WWOX: variants seen among roughly 807,000 people sequenced by gnomAD.
WWOX encodes WW domain-containing oxidoreductase.
In WWOX, 69 loss-of-function variants were observed where a neutral mutation model predicts 46.2. The ratio of observed to expected loss-of-function variants is 1.49; its 90% CI spans 1.23 to 1.82. The LOEUF (loss-of-function observed/expected upper bound fraction) is 1.82, where lower values mean the gene tolerates loss of function less well. WWOX is among the 40% of genes most tolerant of loss of function. WWOX has a pLI of 0.00. For synonymous variants in WWOX, 359 were observed against 202.6 expected (o/e 1.77, Z -6.56); for missense variants, 919 against 542.6 (o/e 1.69, Z -6.89).
chr16:78,692,088 G>GT (rs1324249414), intron 8 of WWOX, among the ~76,000 whole-genome samples: 9 of 152,300 alleles, frequency 5.9e-5, no homozygotes, highest in Admixed American at 5.2e-4. Context: ...TGTAAGTCCA[G>GT]TTAAACCTCT....
At chr16:79,085,741 G>T (rs1350922341) in intron 8 of WWOX, among the ~76,000 whole-genome samples, 1 of 152,074 alleles carries the variant, frequency 6.6e-6, no homozygotes, top group Non-Finnish European at 1.5e-5. Flanking sequence ...GCATTCAGAA[G>T]TATTAGCAGA....
chr16:78,175,745 T>G (rs559373738), intron 5 of WWOX, among the ~76,000 whole-genome samples: 14 of 152,172 alleles, frequency 9.2e-5, no homozygotes, highest in Non-Finnish European at 1.8e-4. Flanking sequence ...ACCCACAAAA[T>G]ATGGTAAGAT....
At chr16:78,399,967 C>G (rs73571019) in intron 6 of WWOX, among the ~76,000 whole-genome samples, 1,977 of 152,264 alleles carry the variant, frequency 0.013, 41 homozygotes, top group African/African-American at 0.044. Flanking sequence ...TGCTGAAAAT[C>G]CCCAAGGAAG....
chr16:78,874,180 C>A (rs145663551), intron 8 of WWOX, among the ~76,000 whole-genome samples: 1 of 150,092 alleles, frequency 6.7e-6, no homozygotes, highest in African/African-American at 2.5e-5. Context: ...CGCTTGAACC[C>A]AGGAGGTGAA....
chr16:78,895,672 C>G (rs927623584), intron 8 of WWOX: 1 of 152,192 alleles, frequency 6.6e-6, no homozygotes, highest in Non-Finnish European at 1.5e-5. Context: ...TGTTTTCCTT[C>G]TACTACTATT....
At chr16:78,851,927 C>T (rs1162497727) in intron 8 of WWOX, among the ~76,000 whole-genome samples, 1 of 152,188 alleles carries the variant, frequency 6.6e-6, no homozygotes, top group South Asian at 2.1e-4. Flanking sequence ...TCTTCAGCAT[C>T]ATTGCTAAAG....
intron 8 of WWOX, among the ~76,000 whole-genome samples, chr16:78,762,763 T>C (rs1487836078): frequency 6.6e-6 from 1 of 152,194 alleles, no homozygotes; most frequent in Non-Finnish European, 1.5e-5. Context: ...CAGCTGTGTA[T>C]TGTGGGGCAA....
At chr16:78,221,489 G>A (rs2151798181) in intron 5 of WWOX, among the ~76,000 whole-genome samples, 1 of 152,284 alleles carries the variant, frequency 6.6e-6, no homozygotes, top group Middle Eastern at 3.4e-3. Flanking sequence ...TCTGTGGGTA[G>A]AGACATGGAT....
intron 8 of WWOX, among the ~76,000 whole-genome samples, chr16:78,593,591 C>T (rs964996673): frequency 1.4e-4 from 22 of 152,166 alleles, no homozygotes; most frequent in African/African-American, 5.3e-4. Flanking sequence ...CAGTCCAAGT[C>T]CTTCCGGGGA....
intron 8 of WWOX, among the ~76,000 whole-genome samples, chr16:78,756,725 G>T (rs1460104807): frequency 1.3e-5 from 2 of 152,064 alleles, no homozygotes; most frequent in Non-Finnish European, 2.9e-5. Context: ...TAATTTTAAG[G>T]TGGTGGACAA....
chr16:78,926,590 C>G (rs1307109478), intron 8 of WWOX, among the ~76,000 whole-genome samples: 1 of 152,262 alleles, frequency 6.6e-6, no homozygotes, highest in South Asian at 2.1e-4. Context: ...TGCTGTTGGT[C>G]TGTGATGCGG....
At chr16:79,092,714 C>G (rs1270213300) in intron 8 of WWOX, among the ~76,000 whole-genome samples, 3 of 152,148 alleles carry the variant, frequency 2.0e-5, no homozygotes, top group African/African-American at 4.8e-5. Context: ...ATAATTTCCC[C>G]AAGACTGAAC....
chr16:78,659,153 T>G (rs1303215349), intron 8 of WWOX, among the ~76,000 whole-genome samples: 1 of 151,668 alleles, frequency 6.6e-6, no homozygotes, highest in Admixed American at 6.6e-5. Flanking sequence ...CACATAAATT[T>G]GGAAGAAATG....
intron 8 of WWOX, chr16:78,496,517 G>T (rs2667587): frequency 3.3e-5 from 5 of 152,104 alleles, no homozygotes; most frequent in Admixed American, 3.3e-4. Context: ...TGACCACTAT[G>T]ATAACATCAA....
chr16:78,162,400 A>C (rs2034824000), intron 4 of WWOX, among the ~76,000 whole-genome samples: 1 of 151,966 alleles, frequency 6.6e-6, no homozygotes, highest in South Asian at 2.1e-4. Context: ...ATATATGTGT[A>C]TCTACACACA....
chr16:78,410,985 C>T (rs1347466526), intron 6 of WWOX, among the ~76,000 whole-genome samples: 1 of 152,036 alleles, frequency 6.6e-6, no homozygotes, highest in Non-Finnish European at 1.5e-5. Flanking sequence ...GCCATGTGGG[C>T]CTCTTCATGG....
At chr16:78,794,541 G>C (rs1186706878) in intron 8 of WWOX, among the ~76,000 whole-genome samples, 3 of 152,122 alleles carry the variant, frequency 2.0e-5, no homozygotes, top group Non-Finnish European at 4.4e-5. Context: ...AAAAATGGGT[G>C]AATAATATCT....
At chr16:78,989,821 C>CGTGTGTGTGTGTGTGTGTGTGTGTGT (rs71384389) in intron 8 of WWOX, among the ~76,000 whole-genome samples, 1 of 136,402 alleles carries the variant, frequency 7.3e-6, no homozygotes. Context: ...GGTGTGTGAG[C>CGTGTGTGTGTGTGTGTGTGTGTGTGT]GTGTGTGTGT....
At chr16:78,377,293 T>C (rs1266620338) in intron 5 of WWOX, among the ~76,000 whole-genome samples, 1 of 152,260 alleles carries the variant, frequency 6.6e-6, no homozygotes, top group African/African-American at 2.4e-5. Flanking sequence ...TGTATAAAAC[T>C]AGAGCAGTCA....
Sources: allele counts gnomAD v4.1 joint callset (sites outside exome capture counted in the v4.1 genomes callset), GRCh38; gene constraint gnomAD v4.1.1; transcripts MANE v1.5; gene names NCBI Gene and HGNC (gene_info 2026-07-23, HGNC 2026-07-21).